Variants in LRP4 observed in about 807,000 individuals in gnomAD.
LRP4 encodes low-density lipoprotein receptor-related protein 4.
Under a neutral mutation model 220.3 loss-of-function variants are expected in LRP4, and 95 were observed. That is an observed-to-expected ratio of 0.43 (90% confidence interval 0.37 to 0.51). The LOEUF (loss-of-function observed/expected upper bound fraction) is 0.51, where lower values mean the gene tolerates loss of function less well. Among genes scored for constraint, LRP4 ranks in the 20% least tolerant of loss-of-function variants. The pLI, the probability that LRP4 is intolerant of heterozygous loss-of-function variation, is 0.00. For missense variants in LRP4, 1,925 were observed against 2,567.0 expected (o/e 0.75, Z 5.40); for synonymous variants, 903 against 954.6 (o/e 0.95, Z 1.00).
intron 1 of LRP4, among the ~76,000 whole-genome samples, chr11:46,917,950 C>T (rs985148226): frequency 2.0e-5 from 3 of 152,190 alleles, no homozygotes; most frequent in African/African-American, 7.2e-5. Flanking sequence ...TCCTCACCCG[C>T]CTCCCTTTCT....
chr11:46,870,746 C>T (rs1038564355), intron 31 of LRP4, among the ~76,000 whole-genome samples: 1 of 152,182 alleles, frequency 6.6e-6, no homozygotes, highest in Admixed American at 6.5e-5. Context: ...ATCGAGAATT[C>T]CTGTTGGCCT....
intron 31 of LRP4, 38 bp downstream of exon 31, chr11:46,871,487 G>C (rs1940861775): frequency 7.2e-7 from 1 of 1,389,750 alleles, no homozygotes; most frequent in Non-Finnish European, 1.0e-6. Flanking sequence ...AAACATCCCA[G>C]TCAAGGAGGT....
At chr11:46,898,153 C>T (rs1467222083) in intron 7 of LRP4, among the ~76,000 whole-genome samples, 1 of 151,816 alleles carries the variant, frequency 6.6e-6, no homozygotes, top group Non-Finnish European at 1.5e-5. Context: ...CAGAGGGGCT[C>T]CTCACTTCCC....
intron 36 of LRP4, among the ~76,000 whole-genome samples, chr11:46,863,794 T>C (rs1453489067): frequency 6.6e-6 from 1 of 151,756 alleles, no homozygotes; most frequent in African/African-American, 2.4e-5. Flanking sequence ...AAATAAACTT[T>C]CTGAGCCTCA....
At chr11:46,870,603 T>A (rs989348475) in intron 31 of LRP4, among the ~76,000 whole-genome samples, 1 of 152,104 alleles carries the variant, frequency 6.6e-6, no homozygotes, top group Admixed American at 6.5e-5. Context: ...TAACAAAAAA[T>A]TTTATAGAGA....
At chr11:46,859,503 A>T (rs1940482006) in intron 37 of LRP4, among the ~76,000 whole-genome samples, 188 bp from the exon 38 acceptor site, 1 of 152,172 alleles carries the variant, frequency 6.6e-6, no homozygotes, top group African/African-American at 2.4e-5. Context: ...GGCAGCTGTG[A>T]TAATTATTAC....
intron 31 of LRP4, among the ~76,000 whole-genome samples, chr11:46,870,368 G>T (rs1391576643): frequency 2.6e-5 from 4 of 152,026 alleles, no homozygotes; most frequent in African/African-American, 7.2e-5. Context: ...GGCAAAAAAG[G>T]GTCAAATTTA....
intron 1 of LRP4, among the ~76,000 whole-genome samples, chr11:46,914,631 G>A (rs1941919570): frequency 6.6e-6 from 1 of 152,180 alleles, no homozygotes; most frequent in Non-Finnish European, 1.5e-5. Flanking sequence ...GACACAGTCT[G>A]GGGCCCAGAT....
rs769764734 is a variant in LRP4 at position 46,890,452 on chromosome 11, C to T, written c.1740G>A (p.Glu580=). The T allele has an allele frequency of 1.9e-6, 3 of 1,614,072 alleles. No individual in the cohort carries two copies. Residue 580 remains glutamate, a synonymous_variant, in exon 14 of 38, where the codon GAG becomes GAA. Transcript: ENST00000378623. The surrounding 1 kb of genome is among the most constrained non-coding windows in gnomAD (Gnocchi z 5.3). The stretch of plus-strand genomic sequence containing the variant: ...GTCCAGAGCCATCCATGCTGGAGGC[C>T]TCAATACGGGGGGTGTTGCCCCAGT... ...WTDWGNTPRI[E]ASSMDGSGRR...
rs140282454 is a variant in LRP4 at position 46,890,360 on chromosome 11, C to T, written c.1832G>A (p.Arg611His). The T allele has an allele frequency of 5.6e-5, 90 of 1,614,020 alleles. No individual in the cohort carries two copies. The African/African-American group carries it at 8.7e-4, about 16-fold the overall frequency. The change falls in exon 14 of 38, where the codon CGT becomes CAT. Residue 611 changes from arginine (R) to histidine (H), a missense_variant. This residue lies in a region of LRP4 where 269 missense variants were observed against 436.7 expected (regional missense o/e 0.62). Coordinates refer to ENST00000378623, the MANE Select transcript of LRP4 (RefSeq NM_002334.4). The surrounding 1 kb of genome is among the most constrained non-coding windows in gnomAD (Gnocchi z 5.3). ...NGLTIDYAGR[R>H]MYWVDAKHHV... ...GTGCTTAGCATCCACCCAGTACATA[C>T]GGCGCCCGGCATAGTCGATGGTGAG...
At chr11:46,905,157 A>G (rs1198981235) in intron 1 of LRP4, among the ~76,000 whole-genome samples, 2 of 152,002 alleles carry the variant, frequency 1.3e-5, no homozygotes, top group Non-Finnish European at 2.9e-5. Context: ...GGAAGCACTA[A>G]AAGACCCAGG....
chr11:46,886,033 G>C (rs922944891), intron 18 of LRP4, 58 bp downstream of exon 18: 1 of 1,427,270 alleles, frequency 7.0e-7, no homozygotes, highest in Admixed American at 1.7e-5. Flanking sequence ...CTGAGGCCAG[G>C]GTTTTAAACA....
intron 16 of LRP4, among the ~76,000 whole-genome samples, chr11:46,887,343 C>G (rs958014509): frequency 2.6e-5 from 4 of 152,126 alleles, no homozygotes; most frequent in African/African-American, 9.7e-5. Flanking sequence ...TGTCAGGGGA[C>G]AGGGGGCTTT....
chr11:46,895,320 T>G, intron 10 of LRP4, 29 bp from the exon 11 acceptor site: 1 of 1,609,094 alleles, frequency 6.2e-7, no homozygotes, highest in Non-Finnish European at 8.5e-7. Context: ...TCAAGAGATC[T>G]CCCTTCTGTC....
intron 36 of LRP4, chr11:46,863,077 CA>C (rs995578680): frequency 1.1e-5 from 4 of 352,262 alleles, no homozygotes; most frequent in Non-Finnish European, 2.2e-5. Context: ...GAGAGGCCCA[CA>C]AGGCAAGAAA....
intron 18 of LRP4, among the ~76,000 whole-genome samples, chr11:46,885,556 C>T (rs990654762): frequency 1.3e-5 from 2 of 151,984 alleles, no homozygotes; most frequent in Admixed American, 1.3e-4. Flanking sequence ...GGTGGATCAC[C>T]AGGTCAGGAG....
Position 46,869,014 on chromosome 11 carries a change from A to T in LRP4, c.4811T>A (p.Ile1604Asn). ...LANVEGLMDI[I>N]VVSPQRQTGT... Reference sequence around the variant, plus strand: ...TGTCTGCCGCTGAGGGGAAACCACGATGATATCCATGAGTCCTTCCACATT... The same window carrying T: ...TGTCTGCCGCTGAGGGGAAACCACGTTGATATCCATGAGTCCTTCCACATT... Residue 1604 changes from isoleucine (I) to asparagine (N), a missense_variant, in exon 32 of 38, where the codon ATC (isoleucine) becomes AAC (asparagine). Physicochemically the swap from Ile to Asn is moderately radical, Grantham distance 149. This residue lies in a region of LRP4 where 1,244 missense variants were observed against 1,624.9 expected (regional missense o/e 0.77). Coordinates refer to ENST00000378623, the MANE Select transcript of LRP4 (RefSeq NM_002334.4). 1 of 1,614,140 alleles carries T rather than the reference A, an allele frequency of 6.2e-7. No individual in the cohort carries two copies.
intron 2 of LRP4, 146 bp from the exon 3 acceptor site, chr11:46,900,524 T>C (rs1171494213): frequency 1.5e-6 from 1 of 681,356 alleles, no homozygotes. Context: ...CAGGTTGGAG[T>C]ACAGTGGCGC....
Position 46,877,186 on chromosome 11 carries a change from G to T in LRP4, c.3277+13C>A. 3 of 1,613,632 alleles carry T rather than the reference G, an allele frequency of 1.9e-6. No homozygotes were observed. In the South Asian group the frequency reaches 3.3e-5, roughly 18 times the overall value. ...GGACAGAAGGCCAGGTGGGAAGAGA[G>T]GGCCATACAGACCTTCCTGGGGGTC... On this transcript the variant is annotated intron_variant, in intron 23 of 37. Coordinates refer to ENST00000378623, the MANE Select transcript of LRP4 (RefSeq NM_002334.4).
Sources: allele counts gnomAD v4.1 joint callset (sites outside exome capture counted in the v4.1 genomes callset), GRCh38; gene constraint gnomAD v4.1.1; regional missense constraint gnomAD v4.1.1; non-coding constraint Gnocchi (gnomAD v3.1); transcripts MANE v1.5; gene names NCBI Gene and HGNC (gene_info 2026-07-23, HGNC 2026-07-21).